Variants in LAMP5 observed in about 807,000 individuals in gnomAD.
LAMP5 encodes the protein lysosome associated membrane protein 5, also known as lysosome-associated membrane glycoprotein 5.
Under a neutral mutation model 30.2 loss-of-function variants are expected in LAMP5, and 36 were observed. The observed-to-expected ratio is 1.19, with a 90% confidence interval of 0.91 to 1.57. LAMP5 has a LOEUF of 1.57. LAMP5 is among the 40% of genes most tolerant of loss of function. The pLI is 0.00. For missense variants in LAMP5, 377 were observed against 354.9 expected, an observed-to-expected ratio of 1.06 and a Z score of -0.50; for synonymous variants, 149 against 134.6, an observed-to-expected ratio of 1.11 and a Z score of -0.74.
At position 9,515,932 on chromosome 20, in the gene LAMP5, G is replaced by A. The variant is rs962482694; in HGVS notation, c.238-68G>A. The stretch of plus-strand genomic sequence containing the variant: ...AGCGTGCAACCCAGAGTTTGGACGC[G>A]CCGCCCTTTACAGCCCCCGCCCCGG... On this transcript the variant is annotated intron_variant, in intron 2 of 5. Transcript: ENST00000246070. 10 of 1,422,200 alleles carry A rather than the reference G, an allele frequency of 7.0e-6. No individual in the cohort carries two copies. In the African/African-American group the frequency reaches 1.2e-4, roughly 16 times the overall value. The allele number at this position is 1,422,200 out of a possible 1,614,324, so 88.1% of individuals were successfully genotyped here. A position where few individuals can be genotyped will look rare whatever the true frequency, so the allele number is the denominator to read the frequency against.
chr20:9,522,230 A>G (rs2122839734), intron 5 of LAMP5, among the ~76,000 whole-genome samples: 1 of 152,306 alleles, frequency 6.6e-6, no homozygotes, highest in South Asian at 2.1e-4. Context: ...TGTTCCTAGC[A>G]TCATGATTGG....
intron 1 of LAMP5, 105 bp downstream of exon 1, chr20:9,515,021 A>C: frequency 1.9e-6 from 2 of 1,042,458 alleles, no homozygotes; most frequent in Non-Finnish European, 2.9e-6. Flanking sequence ...ATGGCCCTTA[A>C]TGTTTTGCGG....
At chr20:9,520,706 T>C (rs1282829865) in intron 5 of LAMP5, among the ~76,000 whole-genome samples, 1 of 152,056 alleles carries the variant, frequency 6.6e-6, no homozygotes, top group African/African-American at 2.4e-5. Context: ...TACCTGGCAC[T>C]CTTCACACCT....
chr20:9,518,267 T>C lies in LAMP5; in HGVS notation c.664+39T>C, dbSNP rs1323056857. Reference sequence around the variant, plus strand: ...GGATGGAGGGGAAGAAGACCTAGTTTATTTCAGGAAGGATGAGAGAGGGAC... The same window carrying C: ...GGATGGAGGGGAAGAAGACCTAGTTCATTTCAGGAAGGATGAGAGAGGGAC... On this transcript the variant is annotated intron_variant, in intron 5 of 5. Coordinates refer to ENST00000246070, the MANE Select transcript of LAMP5 (RefSeq NM_012261.4). The C allele has an allele frequency of 1.9e-6, 3 of 1,591,044 alleles. No individual in the cohort carries two copies. The African/African-American group carries it at 4.0e-5, about 21-fold the overall frequency.
intron 5 of LAMP5, among the ~76,000 whole-genome samples, chr20:9,521,856 T>G (rs565040991): frequency 1.4e-3 from 220 of 152,344 alleles, no homozygotes; most frequent in African/African-American, 5.0e-3. Context: ...GAAGGCTACC[T>G]CTATTTCCCT....
rs746610534 is a variant in LAMP5, at chr20:9,515,642, C to CA, written c.237+17_237+18insA. ...TACGTAGATGTAAGGAATCTTTCCC[C>CA]CCCCTCAGCTTGCTCCTAGGGCTCC... On this transcript the variant is annotated intron_variant, in intron 2 of 5. Transcript: ENST00000246070. 4 of 1,612,414 alleles carry CA rather than the reference C, an allele frequency of 2.5e-6. No individual in the cohort carries two copies. Among genetic ancestry groups the CA allele is most frequent in the Non-Finnish European group, 3.4e-6 (4 of 1,178,872 alleles).
chr20:9,517,438 A>AT (rs11379487), intron 4 of LAMP5, among the ~76,000 whole-genome samples: 57,150 of 150,020 alleles, frequency 0.38, 11,675 homozygotes, highest in African/African-American at 0.55. Flanking sequence ...ATTATTAGGG[A>AT]TTTTTTTTTT....
Position 9,514,888 on chromosome 20 carries a change from C to T in LAMP5, c.36C>T (p.Asp12=), listed in dbSNP as rs776530541. The change falls in exon 1 of 6, where the codon GAC becomes GAT. Residue 12 remains aspartate, a synonymous_variant. Transcript: ENST00000246070. ...DLQGRGVPSI[D]RLRVLLMLFH... Reference sequence around the variant, plus strand: ...AAGGAAGAGGGGTCCCCAGCATCGACAGACTTCGAGTTCTCCTGATGTTGT... The same window carrying T: ...AAGGAAGAGGGGTCCCCAGCATCGATAGACTTCGAGTTCTCCTGATGTTGT... 8.1e-5 allele frequency: 130 copies of T among 1,614,062 alleles called. No homozygotes were observed. The highest frequency in any genetic ancestry group is 6.7e-5 in the Non-Finnish European group (79 of 1,180,034).
chr20:9,528,170 G>A (rs1488641448), intron 5 of LAMP5, among the ~76,000 whole-genome samples: 1 of 152,128 alleles, frequency 6.6e-6, no homozygotes, highest in Middle Eastern at 3.2e-3. Context: ...GATGGCACTG[G>A]AACATTGCAT....
intron 5 of LAMP5, among the ~76,000 whole-genome samples, chr20:9,526,238 G>A (rs2045111437): frequency 6.6e-6 from 1 of 152,024 alleles, no homozygotes; most frequent in Non-Finnish European, 1.5e-5. Context: ...TAAATAATTT[G>A]AAATCAATGT....
chr20:9,525,280 A>C (rs1460136524), intron 5 of LAMP5, among the ~76,000 whole-genome samples: 2 of 152,196 alleles, frequency 1.3e-5, no homozygotes. Context: ...TATTTAAAAG[A>C]AGTACACAGA....
At chr20:9,515,732 C>A in intron 2 of LAMP5, 107 bp downstream of exon 2, 1 of 1,242,314 alleles carries the variant, frequency 8.0e-7, no homozygotes, top group Non-Finnish European at 1.1e-6. Context: ...CTTTCCCACA[C>A]CCCGGCAGGC....
At chr20:9,523,703 A>G (rs1385655050) in intron 5 of LAMP5, among the ~76,000 whole-genome samples, 8 of 152,108 alleles carry the variant, frequency 5.3e-5, no homozygotes, top group Non-Finnish European at 1.2e-4. Flanking sequence ...TGAGTCCACC[A>G]AGAGCAAAGG....
intron 4 of LAMP5, among the ~76,000 whole-genome samples, chr20:9,517,437 G>GA (rs1326647849): frequency 8.0e-6 from 1 of 125,652 alleles, no homozygotes; most frequent in Non-Finnish European, 1.7e-5. Flanking sequence ...CATTATTAGG[G>GA]ATTTTTTTTT....
intron 4 of LAMP5, 90 bp from the exon 5 acceptor site, chr20:9,517,950 G>A: frequency 8.6e-7 from 1 of 1,156,674 alleles, no homozygotes; most frequent in South Asian, 1.4e-5. Flanking sequence ...GGGGTGTGGT[G>A]TCTGGAACTG....
chr20:9,526,011 G>A (rs2045109891), intron 5 of LAMP5, among the ~76,000 whole-genome samples: 2 of 152,196 alleles, frequency 1.3e-5, no homozygotes, highest in Admixed American at 1.3e-4. Context: ...TACAGTCTGG[G>A]TAACTATGAA....
At chr20:9,518,444 C>G (rs1381691434) in intron 5 of LAMP5, among the ~76,000 whole-genome samples, 1 of 152,230 alleles carries the variant, frequency 6.6e-6, no homozygotes, top group Non-Finnish European at 1.5e-5. Context: ...CCAGCCTCCT[C>G]CCCGTTTACC....
At chr20:9,529,572 T>C in intron 5 of LAMP5, 70 bp from the exon 6 acceptor site, 2 of 1,473,360 alleles carry the variant, frequency 1.4e-6, no homozygotes, top group Non-Finnish European at 1.8e-6. Context: ...ATTTCCCTTT[T>C]TGTTTTGTAG....
At position 9,514,934 on chromosome 20, in the gene LAMP5, G is replaced by T. The variant is rs767232006; in HGVS notation, c.64+18G>T. 1.9e-6 allele frequency: 3 copies of T among 1,611,970 alleles called. No homozygotes were observed. The highest frequency in any genetic ancestry group is 1.7e-5 in the Admixed American group (1 of 60,010). ...GTTGTTCCGTGAGTAGCGATTTGGC[G>T]ACTGGGAGAGAGGACGGGCACTCTT... On this transcript the variant is annotated intron_variant, in intron 1 of 5. Coordinates refer to ENST00000246070, the MANE Select transcript of LAMP5 (RefSeq NM_012261.4).
Sources: gnomAD v4.1 joint callset for allele counts (sites outside exome capture counted in the v4.1 genomes callset) on GRCh38, gnomAD v4.1.1 for gene constraint, MANE v1.5 for transcripts, NCBI Gene and HGNC (gene_info 2026-07-23, HGNC 2026-07-21) for gene names.